ANKRD55: variants seen among roughly 807,000 people sequenced by gnomAD.
ANKRD55 encodes ankyrin repeat domain 55.
In ANKRD55, 41 loss-of-function variants were observed where a neutral mutation model predicts 60.6. That is an observed-to-expected ratio of 0.68 (90% CI 0.53 to 0.88). The LOEUF is 0.88. Among genes scored for constraint, ANKRD55 ranks in the 40% least tolerant of loss-of-function variants. The pLI is 0.00. For missense variants in ANKRD55, 732 were observed against 767.6 expected (o/e 0.95, Z 0.55); for synonymous variants, 264 against 290.3 (o/e 0.91, Z 0.92).
intron 2 of ANKRD55, among the ~76,000 whole-genome samples, chr5:56,213,925 A>G (rs1399414270): frequency 6.6e-6 from 1 of 152,248 alleles, no homozygotes; most frequent in African/African-American, 2.4e-5. Flanking sequence ...GACATATCTG[A>G]GACTGGATAA....
chr5:56,122,541 C>T (rs545092552), intron 8 of ANKRD55, among the ~76,000 whole-genome samples: 3 of 151,630 alleles, frequency 2.0e-5, no homozygotes, highest in South Asian at 4.2e-4. Flanking sequence ...CACCTGTAGT[C>T]CCAGCTACTC....
rs534532537 is a variant in ANKRD55, at chr5:56,132,548, G to A, written c.613-5442C>T. Among the ~76,000 whole-genome samples, 532 of 147,190 alleles carry A rather than the reference G, an allele frequency of 3.6e-3. 7 individuals carry two copies. Among genetic ancestry groups the A allele is most frequent in the African/African-American group, 0.013 (496 of 39,670 alleles). ...GGAGCTTGCAGTGAGCAGAGATCGC[G>A]CCACTGCACTCCTGCCTGGGTGACA... is the stretch of plus-strand genomic sequence containing the variant. On this transcript the variant is annotated intron_variant, in intron 7 of 11. Coordinates refer to ENST00000341048, the MANE Select transcript of ANKRD55 (RefSeq NM_024669.3).
chr5:56,230,031 G>T (rs1225009345), intron 2 of ANKRD55, among the ~76,000 whole-genome samples: 1 of 152,124 alleles, frequency 6.6e-6, no homozygotes, highest in African/African-American at 2.4e-5. Flanking sequence ...GCCAACCACT[G>T]CAGTTAAACT....
intron 5 of ANKRD55, among the ~76,000 whole-genome samples, chr5:56,169,196 A>C (rs574699381): frequency 1.1e-4 from 17 of 152,260 alleles, no homozygotes; most frequent in Non-Finnish European, 1.9e-4. Context: ...GAAGCTTTGG[A>C]TTTTATGTGT....
intron 8 of ANKRD55, among the ~76,000 whole-genome samples, chr5:56,123,695 A>T (rs1209946170): frequency 3.3e-5 from 5 of 152,144 alleles, no homozygotes; most frequent in African/African-American, 9.7e-5. Flanking sequence ...CTTCATGACA[A>T]TTACTAAGAC....
At chr5:56,178,350 T>A (rs1758782652) in intron 3 of ANKRD55, among the ~76,000 whole-genome samples, 1 of 152,042 alleles carries the variant, frequency 6.6e-6, no homozygotes, top group Non-Finnish European at 1.5e-5. Flanking sequence ...CCACTGCATC[T>A]GGCCCAAATA....
At position 56,233,297 on chromosome 5, in the gene ANKRD55, C is replaced by T. The variant is rs533005544; in HGVS notation, c.-90G>A. ...CACGGAGCTTCAGCAGCTGGAATGT[C>T]GCTTTACACCAACAGAAATCTGAAT... On this transcript the variant is annotated 5_prime_UTR_variant, in exon 1 of 12. Transcript: ENST00000341048. 4 of 233,772 alleles carry T rather than the reference C, an allele frequency of 1.7e-5. No homozygotes were observed. Among genetic ancestry groups the T allele is most frequent in the Admixed American group, 5.3e-5 (1 of 18,938 alleles). 14.5% of individuals were successfully genotyped at this position (233,772 alleles called of 1,614,324 possible). A position where few individuals can be genotyped will look rare whatever the true frequency, so the allele number is the denominator to read the frequency against.
intron 4 of ANKRD55, among the ~76,000 whole-genome samples, chr5:56,174,817 T>TGA (rs1758702126): frequency 7.9e-6 from 1 of 126,956 alleles, no homozygotes; most frequent in Admixed American, 9.2e-5. Context: ...GGTGACAGAG[T>TGA]GAGACTCTGT....
intron 3 of ANKRD55, among the ~76,000 whole-genome samples, chr5:56,182,718 C>T (rs949997405): frequency 3.3e-5 from 5 of 152,048 alleles, no homozygotes; most frequent in African/African-American, 1.2e-4. Context: ...AGCTGGCTTC[C>T]ATGGGCACTG....
chr5:56,226,813 G>A (rs1047494135), intron 2 of ANKRD55, among the ~76,000 whole-genome samples: 1 of 152,098 alleles, frequency 6.6e-6, no homozygotes, highest in Non-Finnish European at 1.5e-5. Context: ...AGTTAGAATG[G>A]CAATCATTAA....
chr5:56,130,540 G>A lies in ANKRD55; in HGVS notation c.613-3434C>T, dbSNP rs1259048256. Among the ~76,000 whole-genome samples the A allele has an allele frequency of 5.3e-5, 8 of 152,236 alleles. No individual in the cohort carries two copies. In the East Asian group the frequency reaches 7.7e-4, roughly 15 times the overall value. On this transcript the variant is annotated intron_variant, in intron 7 of 11. Transcript: ENST00000341048. ...TACTTCACCATTACATTACTAAAGCGCTATTTACAGGAGTTCCTCTTACCC... is the reference window on the plus strand; with the variant it reads ...TACTTCACCATTACATTACTAAAGCACTATTTACAGGAGTTCCTCTTACCC...
chr5:56,123,596 C>T (rs1757144005), intron 8 of ANKRD55, among the ~76,000 whole-genome samples: 1 of 152,032 alleles, frequency 6.6e-6, no homozygotes, highest in Non-Finnish European at 1.5e-5. Context: ...AGTGTATTGC[C>T]AATAAATTCA....
At chr5:56,193,004 T>G in intron 2 of ANKRD55, 2 of 972,504 alleles carry the variant, frequency 2.1e-6, no homozygotes, top group Admixed American at 4.9e-5. Context: ...ACCTTTTCAG[T>G]ATGTTCATGA....
At chr5:56,208,200 A>T (rs182775029) in intron 2 of ANKRD55, among the ~76,000 whole-genome samples, 243 of 152,216 alleles carry the variant, frequency 1.6e-3, no homozygotes, top group African/African-American at 5.5e-3. Flanking sequence ...AGGGACAGTA[A>T]CATGCAAAAA....
At chr5:56,162,925 G>T (rs569036430) in intron 5 of ANKRD55, among the ~76,000 whole-genome samples, 41 of 152,066 alleles carry the variant, frequency 2.7e-4, no homozygotes, top group South Asian at 2.1e-3. Context: ...ATCCTCAGCC[G>T]CCCGAAGTGC....
At chr5:56,229,499 T>C (rs906671464) in intron 2 of ANKRD55, among the ~76,000 whole-genome samples, 1 of 152,144 alleles carries the variant, frequency 6.6e-6, no homozygotes, top group African/African-American at 2.4e-5. Flanking sequence ...TGTAATATAG[T>C]ATTATCCACA....
chr5:56,112,296 C>T (rs1756736385), intron 9 of ANKRD55, among the ~76,000 whole-genome samples: 1 of 151,822 alleles, frequency 6.6e-6, no homozygotes, highest in Non-Finnish European at 1.5e-5. Flanking sequence ...CGAGTGCTGA[C>T]CGACTGACAT....
intron 6 of ANKRD55, among the ~76,000 whole-genome samples, chr5:56,151,081 C>T (rs1415039266): frequency 1.3e-5 from 2 of 152,122 alleles, no homozygotes; most frequent in Non-Finnish European, 2.9e-5. Flanking sequence ...TGATCCTGAA[C>T]TCCTGAGCTC....
intron 2 of ANKRD55, among the ~76,000 whole-genome samples, chr5:56,202,073 T>C (rs2111859332): frequency 6.6e-6 from 1 of 152,210 alleles, no homozygotes; most frequent in South Asian, 2.1e-4. Flanking sequence ...GTGTTCTCAC[T>C]GATAAGTGGG....
Sources: gnomAD v4.1 joint callset for allele counts (sites outside exome capture counted in the v4.1 genomes callset) on GRCh38, gnomAD v4.1.1 for gene constraint, MANE v1.5 for transcripts, NCBI Gene and HGNC (gene_info 2026-07-23, HGNC 2026-07-21) for gene names.